Variants in WNK2 observed in about 807,000 individuals in gnomAD.
The protein encoded by WNK2 is WNK lysine deficient protein kinase 2, also known as serine/threonine-protein kinase WNK2.
A neutral mutation model predicts 192.1 loss-of-function variants in WNK2; 67 were observed. The observed-to-expected ratio is 0.35, with a 90% CI of 0.29 to 0.43. The LOEUF (loss-of-function observed/expected upper bound fraction) is 0.43, where lower values mean the gene tolerates loss of function less well. Ranked by LOEUF, WNK2 falls within the 20% of genes least tolerant of loss-of-function variation. The pLI, the probability that WNK2 is intolerant of heterozygous loss-of-function variation, is 1.00. For missense variants in WNK2, 2,698 were observed against 3,089.7 expected, an observed-to-expected ratio of 0.87 and a Z score of 3.01; for synonymous variants, 1,439 against 1,393.9, an observed-to-expected ratio of 1.03 and a Z score of -0.72.
rs772021798 is a variant in WNK2 at position 93,258,934 on chromosome 9, C to T, written c.2386C>T (p.Pro796Ser). 5.0e-6 allele frequency: 8 copies of T among 1,610,020 alleles called. No individual in the cohort carries two copies. Among genetic ancestry groups the T allele is most frequent in the Admixed American group, 1.7e-5 (1 of 59,892 alleles). ...QPLAQVPPQMPPIPVVPPITP... is the reference protein window; with the variant it reads ...QPLAQVPPQMSPIPVVPPITP... ...CACACTCCTGTGTCTCTTTCAGATG[C>T]CCCCGATTCCTGTTGTGCCCCCCAT... The change falls in exon 12 of 30, where the codon CCC (proline) becomes TCC (serine). Residue 796 changes from proline (P) to serine (S), a missense_variant. Pro to Ser is a moderately conservative substitution (Grantham distance 74). Transcript: ENST00000427277.
Position 93,247,523 on chromosome 9 carries a change from C to T in WNK2, c.1543-20C>T, listed in dbSNP as rs1346362685. ...GAGGGCTGATCCCCAGCGATGCTGACAACATGACTGCCTTTACAGATTGAG... is the reference window on the plus strand; with the variant it reads ...GAGGGCTGATCCCCAGCGATGCTGATAACATGACTGCCTTTACAGATTGAG... On this transcript the variant is annotated intron_variant, in intron 7 of 29. Coordinates refer to ENST00000427277, the MANE Select transcript of WNK2 (RefSeq NM_006648.4). This position sits in a 1 kb window ranked among gnomAD's most constrained non-coding sequence, Gnocchi z 5.2. 6.2e-7 allele frequency: 1 copy of T among 1,605,406 alleles called. No individual in the cohort carries two copies. Among genetic ancestry groups the T allele is most frequent in the Non-Finnish European group, 8.5e-7 (1 of 1,176,306 alleles).
At chr9:93,314,197 G>A (rs932791778) in intron 28 of WNK2, among the ~76,000 whole-genome samples, 3 of 152,088 alleles carry the variant, frequency 2.0e-5, no homozygotes, top group African/African-American at 7.2e-5. Flanking sequence ...CAGGAGAATC[G>A]CTTGAACCTG....
chr9:93,305,888 T>C (rs1852430051), intron 26 of WNK2, among the ~76,000 whole-genome samples: 1 of 152,082 alleles, frequency 6.6e-6, no homozygotes, highest in South Asian at 2.1e-4. Context: ...CTTTGCCGAG[T>C]GACCTTGGGG....
chr9:93,293,065 C>T lies in WNK2; in HGVS notation c.5600C>T (p.Thr1867Met), dbSNP rs1018661001. 25 of 1,610,600 alleles carry T rather than the reference C, an allele frequency of 1.6e-5. No individual in the cohort carries two copies. Among genetic ancestry groups the T allele is most frequent in the South Asian group, 7.7e-5 (7 of 90,904 alleles). Residue 1867 changes from threonine (T) to methionine (M), a missense_variant, in exon 23 of 30, where the codon ACG becomes ATG. This residue lies in a region of WNK2 where 1,098 missense variants were observed against 1,101.0 expected (regional missense o/e 1.00). Coordinates refer to ENST00000427277, the MANE Select transcript of WNK2 (RefSeq NM_006648.4). ...AGCAGGGTGGGCATGAAGGTCCCCA[C>T]GATCAGCGTGACCTCCTTCCATTCC... Reference protein sequence around the residue: ...TPSRVGMKVPTISVTSFHSQS... With the variant: ...TPSRVGMKVPMISVTSFHSQS...
chr9:93,213,997 A>G (rs1399505119), intron 2 of WNK2, among the ~76,000 whole-genome samples: 1 of 152,130 alleles, frequency 6.6e-6, no homozygotes, highest in Non-Finnish European at 1.5e-5. Flanking sequence ...CCTGTCTTTT[A>G]TATCCCATAT....
At chr9:93,248,120 G>A (rs1358310687) in intron 8 of WNK2, among the ~76,000 whole-genome samples, 1 of 152,182 alleles carries the variant, frequency 6.6e-6, no homozygotes, top group Non-Finnish European at 1.5e-5. Flanking sequence ...AGGGCATGTC[G>A]GGAACTTCAT....
Position 93,239,061 on chromosome 9 carries a change from G to A in WNK2, c.1323-696G>A, listed in dbSNP as rs146259124. 4.6e-3 allele frequency among the ~76,000 whole-genome samples: 708 copies of A among 152,354 alleles called. 2 individuals are homozygous for A. The highest frequency in any genetic ancestry group is 5.7e-3 in the Non-Finnish European group (386 of 68,036). ...CGTGCTGTGTGGTTCCATTTATAGG[G>A]TAAAGGGGGTTATAGGTTAGTGGTT... is the stretch of plus-strand genomic sequence containing the variant. On this transcript the variant is annotated intron_variant, in intron 6 of 29. Coordinates refer to ENST00000427277, the MANE Select transcript of WNK2 (RefSeq NM_006648.4). The surrounding 1 kb of genome is among the most constrained non-coding windows in gnomAD (Gnocchi z 4.2).
chr9:93,315,300 C>T (rs1564244391), intron 28 of WNK2, among the ~76,000 whole-genome samples: 1 of 152,202 alleles, frequency 6.6e-6, no homozygotes. Context: ...TGTGTAAGCT[C>T]AACCTACTGA....
At chr9:93,299,674 G>A (rs564361237) in intron 25 of WNK2, among the ~76,000 whole-genome samples, 4 of 152,122 alleles carry the variant, frequency 2.6e-5, no homozygotes, top group East Asian at 1.9e-4. Context: ...CTGGGGGGAC[G>A]AGGGCACAGC....
chr9:93,291,108 C>T (rs1849277248), intron 21 of WNK2, among the ~76,000 whole-genome samples: 1 of 152,186 alleles, frequency 6.6e-6, no homozygotes, highest in Admixed American at 6.5e-5. Flanking sequence ...ACGCAGAGAA[C>T]TGGTGATGTT....
intron 2 of WNK2, among the ~76,000 whole-genome samples, chr9:93,212,769 C>A (rs1213649817): frequency 6.6e-6 from 1 of 152,122 alleles, no homozygotes; most frequent in Non-Finnish European, 1.5e-5. Flanking sequence ...TAGGTCATAA[C>A]CAATGGCAGA....
chr9:93,297,538 G>A (rs970827803), intron 23 of WNK2, among the ~76,000 whole-genome samples: 1 of 152,354 alleles, frequency 6.6e-6, no homozygotes, highest in East Asian at 1.9e-4. Flanking sequence ...TCATGTTTGG[G>A]ACTTTCATTG....
chr9:93,258,072 A>T, intron 11 of WNK2, among the ~76,000 whole-genome samples: 1 of 152,214 alleles, frequency 6.6e-6, no homozygotes, highest in East Asian at 1.9e-4. Flanking sequence ...AGATGTCACC[A>T]TAGGACGTTA....
rs1328293265 is a variant in WNK2 at position 93,261,857 on chromosome 9, C to T, written c.3110C>T (p.Ala1037Val). Residue 1037 changes from alanine to valine, a missense_variant, in exon 13 of 30, where the codon GCT becomes GTT. Transcript: ENST00000427277. ...GCTCCCTATGCTGTGGACGTCGCCG[C>T]TCAGGTCCCCACCGTGCCTGTGCCA... Reference protein sequence around the residue: ...HPAPYAVDVAAQVPTVPVPPA... With the variant: ...HPAPYAVDVAVQVPTVPVPPA... The T allele has an allele frequency of 1.3e-6, 2 of 1,599,338 alleles. No homozygotes were observed. Among genetic ancestry groups the T allele is most frequent in the Non-Finnish European group, 1.7e-6 (2 of 1,179,116 alleles).
chr9:93,252,931 C>T lies in WNK2; in HGVS notation c.1883C>T (p.Ser628Leu), dbSNP rs553438989. The change falls in exon 9 of 30, where the codon TCG becomes TTG. Residue 628 changes from serine (S) to leucine (L), a missense_variant. Coordinates refer to ENST00000427277, the MANE Select transcript of WNK2 (RefSeq NM_006648.4). ...CAGGGCTCTACCGTGTACTCAGACTCGCAGAGCAGCCAGCAGAGCGTGATG... is the reference window on the plus strand; with the variant it reads ...CAGGGCTCTACCGTGTACTCAGACTTGCAGAGCAGCCAGCAGAGCGTGATG... Reference protein sequence around the residue: ...SGQGSTVYSDSQSSQQSVMLG... With the variant: ...SGQGSTVYSDLQSSQQSVMLG... 12 of 1,573,202 alleles carry T rather than the reference C, an allele frequency of 7.6e-6. No homozygotes were observed. Among genetic ancestry groups the T allele is most frequent in the Admixed American group, 5.5e-5 (3 of 54,486 alleles).
Position 93,263,580 on chromosome 9 carries a change from A to T in WNK2, c.3425A>T (p.Asp1142Val). The change falls in exon 15 of 30, where the codon GAT (aspartate) becomes GTT (valine). Residue 1142 changes from aspartate (D) to valine (V), a missense_variant. Asp to Val is a radical substitution (Grantham distance 152). Transcript: ENST00000427277. ...PQSCESYGGS[D>V]VTSGKELSDS... is the part of the protein sequence containing the mutation. ...GTTTTGCTCAGCTATGGAGGTTCTG[A>T]TGTCACTTCTGGAAAAGAGCTGAGT... The T allele has an allele frequency of 6.2e-7, 1 of 1,611,284 alleles. No homozygotes were observed. Among genetic ancestry groups the T allele is most frequent in the Non-Finnish European group, 8.5e-7 (1 of 1,179,284 alleles).
chr9:93,232,851 C>A (rs1347018834), intron 4 of WNK2, among the ~76,000 whole-genome samples: 1 of 150,058 alleles, frequency 6.7e-6, no homozygotes, highest in African/African-American at 2.5e-5. Context: ...AGGCCACAAC[C>A]AGGAGTGTCC....
At chr9:93,254,917 C>A (rs778192265) in intron 9 of WNK2, among the ~76,000 whole-genome samples, 1 of 152,178 alleles carries the variant, frequency 6.6e-6, no homozygotes, top group African/African-American at 2.4e-5. Flanking sequence ...TGGCTCTCAT[C>A]CCTCCTCAGC....
At chr9:93,251,395 G>A (rs1240010167) in intron 8 of WNK2, among the ~76,000 whole-genome samples, 1 of 152,098 alleles carries the variant, frequency 6.6e-6, no homozygotes, top group African/African-American at 2.4e-5. Flanking sequence ...GGGATTACAG[G>A]CATGAGCCAC....
Sources: gnomAD v4.1 joint callset for allele counts (sites outside exome capture counted in the v4.1 genomes callset) on GRCh38, gnomAD v4.1.1 for gene constraint, gnomAD v4.1.1 regional missense constraint, Gnocchi (gnomAD v3.1) non-coding constraint, MANE v1.5 for transcripts, NCBI Gene and HGNC (gene_info 2026-07-23, HGNC 2026-07-21) for gene names.